The following SLC2A10 variants were observed in gnomAD, a reference collection of about 807,000 sequenced individuals.
SLC2A10 encodes solute carrier family 2, facilitated glucose transporter member 10.
In SLC2A10, 25 loss-of-function variants were observed where a neutral mutation model predicts 32.1. The observed-to-expected ratio is 0.78, with a 90% CI of 0.57 to 1.09. The LOEUF (loss-of-function observed/expected upper bound fraction) is 1.09. SLC2A10 is among the 50% of genes least tolerant of loss of function. SLC2A10 has a pLI of 0.00. For synonymous variants in SLC2A10, 332 were observed against 309.6 expected, an observed-to-expected ratio of 1.07 and a Z score of -0.76; for missense variants, 673 against 686.5, an observed-to-expected ratio of 0.98 and a Z score of 0.22.
intron 3 of SLC2A10, 38 bp from the exon 4 acceptor site, chr20:46,729,315 T>C (rs202115184): frequency 1.9e-6 from 3 of 1,612,350 alleles, no homozygotes; most frequent in Non-Finnish European, 2.5e-6. Flanking sequence ...GCCAGAGTGC[T>C]TGGTCCTGGG....
Position 46,727,129 on chromosome 20 carries a change from C to T in SLC2A10, c.1411+143C>T, listed in dbSNP as rs1259612389. The stretch of plus-strand genomic sequence containing the variant: ...ATCATCAAATGTCCAAGACGACATC[C>T]AGGACCCTCATATGCACTGTAAAAC... On this transcript the variant is annotated intron_variant, in intron 3 of 4. Coordinates refer to ENST00000359271, the MANE Select transcript of SLC2A10 (RefSeq NM_030777.4). 27 of 1,161,828 alleles carry T rather than the reference C, an allele frequency of 2.3e-5. No individual in the cohort carries two copies. In the South Asian group the frequency reaches 2.8e-4, roughly 12 times the overall value. 72.0% of individuals were successfully genotyped at this position (1,161,828 alleles called of 1,614,324 possible).
chr20:46,726,348 G>C (rs773339126), intron 2 of SLC2A10, 24 bp downstream of exon 2: 1 of 1,601,112 alleles, frequency 6.2e-7, no homozygotes, highest in Non-Finnish European at 8.5e-7. Flanking sequence ...TCTTGCAGGT[G>C]ACTCTGGAGA....
intron 3 of SLC2A10, among the ~76,000 whole-genome samples, chr20:46,728,991 A>AG (rs911497478): frequency 6.6e-6 from 1 of 151,512 alleles, no homozygotes; most frequent in Non-Finnish European, 1.5e-5. Context: ...GTGTCCATGC[A>AG]GCTGTTTGGC....
intron 3 of SLC2A10, among the ~76,000 whole-genome samples, chr20:46,728,205 G>A (rs1980082049): frequency 6.6e-6 from 1 of 152,152 alleles, no homozygotes; most frequent in Admixed American, 6.5e-5. Context: ...CAGCCAGGGA[G>A]TCAAAAGACT....
Position 46,725,027 on chromosome 20 carries a change from C to A in SLC2A10, c.5-14C>A. 1 of 1,614,216 alleles carries A rather than the reference C, an allele frequency of 6.2e-7. No homozygotes were observed. Among genetic ancestry groups the A allele is most frequent in the Non-Finnish European group, 8.5e-7 (1 of 1,180,038 alleles). Reference sequence around the variant, plus strand: ...AACCATTCTAACTCTGTCCCTCTCACTTTTGTTTTTTAGGCCACTCCCCAC... The same window carrying A: ...AACCATTCTAACTCTGTCCCTCTCAATTTTGTTTTTTAGGCCACTCCCCAC... On this transcript the variant is annotated splice_polypyrimidine_tract_variant and intron_variant, in intron 1 of 4. Coordinates refer to ENST00000359271, the MANE Select transcript of SLC2A10 (RefSeq NM_030777.4).
chr20:46,728,090 G>C (rs1159871728), intron 3 of SLC2A10, among the ~76,000 whole-genome samples: 1 of 152,120 alleles, frequency 6.6e-6, no homozygotes, highest in Admixed American at 6.5e-5. Context: ...AAACAAGGAA[G>C]GGAGGAAGGA....
At chr20:46,712,651 CTTTTTTT>C (rs11477202) in intron 1 of SLC2A10, among the ~76,000 whole-genome samples, 3 of 94,424 alleles carry the variant, frequency 3.2e-5, no homozygotes, top group East Asian at 3.8e-4. Context: ...TTCTTTCTTT[CTTTTTTT>C]TTTTTTTTTT....
intron 1 of SLC2A10, 46 bp from the exon 2 acceptor site, chr20:46,724,995 G>T: frequency 6.2e-7 from 1 of 1,613,412 alleles, no homozygotes; most frequent in South Asian, 1.1e-5. Flanking sequence ...TGGATGGTAT[G>T]ACAAGGAACC....
At chr20:46,715,934 C>T (rs751370474) in intron 1 of SLC2A10, among the ~76,000 whole-genome samples, 4 of 151,628 alleles carry the variant, frequency 2.6e-5, no homozygotes, top group South Asian at 4.2e-4. Flanking sequence ...TGGGCTCAAG[C>T]GATCCTCACA....
intron 3 of SLC2A10, among the ~76,000 whole-genome samples, chr20:46,727,605 CGT>C (rs748571674): frequency 2.6e-5 from 4 of 152,132 alleles, no homozygotes; most frequent in Non-Finnish European, 5.9e-5. Flanking sequence ...CATGAGCCAC[CGT>C]GTCTGGCCTG....
intron 4 of SLC2A10, among the ~76,000 whole-genome samples, chr20:46,729,750 T>G (rs1980193715): frequency 6.8e-6 from 1 of 148,088 alleles, no homozygotes; most frequent in South Asian, 2.2e-4. Context: ...CACGCCATTC[T>G]CCTGCCTCAG....
intron 1 of SLC2A10, among the ~76,000 whole-genome samples, chr20:46,721,200 A>C (rs1384201415): frequency 6.6e-6 from 1 of 152,212 alleles, no homozygotes; most frequent in African/African-American, 2.4e-5. Flanking sequence ...ACTCAGATTC[A>C]GTGTGAGAGG....
In SLC2A10 at chr20:46,712,408, G is replaced by T. The variant is rs140692561; in HGVS notation, c.4+2668G>T. Among the ~76,000 whole-genome samples the T allele has an allele frequency of 4.1e-3, 617 of 152,126 alleles. 6 individuals carry two copies. Among genetic ancestry groups the T allele is most frequent in the African/African-American group, 0.014 (570 of 41,484 alleles). ...GGAGATACTTGCATCCCAAACCAGG[G>T]TTCTCCCCCCTCCCCCTGCCCCCTG... is the stretch of plus-strand genomic sequence containing the variant. On this transcript the variant is annotated intron_variant, in intron 1 of 4. Transcript: ENST00000359271.
At chr20:46,721,887 G>T (rs1302724488) in intron 1 of SLC2A10, among the ~76,000 whole-genome samples, 1 of 152,188 alleles carries the variant, frequency 6.6e-6, no homozygotes, top group African/African-American at 2.4e-5. Context: ...CCATCAGTGG[G>T]GAAGGGGCTC....
chr20:46,726,894 C>T lies in SLC2A10; in HGVS notation c.1319C>T (p.Pro440Leu), dbSNP rs771851596. The T allele has an allele frequency of 1.9e-6, 3 of 1,614,176 alleles. No individual in the cohort carries two copies. Among genetic ancestry groups the T allele is most frequent in the South Asian group, 1.1e-5 (1 of 91,086 alleles). ...TGGCTTGTCCTCAGCGAGATCTACC[C>T]TGTGGAGATACGAGGAAGAGCCTTC... is the stretch of plus-strand genomic sequence containing the variant. ...VTWLVLSEIY[P>L]VEIRGRAFAF... Residue 440 changes from proline (P) to leucine (L), a missense_variant, in exon 3 of 5, where the codon CCT becomes CTT. Pro to Leu is a moderately conservative substitution (Grantham distance 98). Coordinates refer to ENST00000359271, the MANE Select transcript of SLC2A10 (RefSeq NM_030777.4).
rs1979088295 is a variant in SLC2A10, at chr20:46,714,142, G to A, written c.4+4402G>A. Reference sequence around the variant, plus strand: ...GGCTTCAGGTGCAGTTGGATCTAGGGGCTCATACAGTGTTGTCAGGAATCC... The same window carrying A: ...GGCTTCAGGTGCAGTTGGATCTAGGAGCTCATACAGTGTTGTCAGGAATCC... On this transcript the variant is annotated intron_variant, in intron 1 of 4. Transcript: ENST00000359271. 2.0e-5 allele frequency among the ~76,000 whole-genome samples: 3 copies of A among 152,126 alleles called. No individual in the cohort carries two copies. The South Asian group carries it at 6.2e-4, about 31-fold the overall frequency.
chr20:46,712,930 T>C (rs1979016298), intron 1 of SLC2A10, among the ~76,000 whole-genome samples: 2 of 152,112 alleles, frequency 1.3e-5, no homozygotes, highest in Admixed American at 1.3e-4. Flanking sequence ...ATTGGGATTA[T>C]AGGCATGAGC....
chr20:46,729,407 G>T lies in SLC2A10; in HGVS notation c.1466G>T (p.Gly489Val). ...CTCTACGGACTGACCGCTGTCCTCG[G>T]CCTGGGCTTCATCTATTTATTTGTT... ...FLLYGLTAVL[G>V]LGFIYLFVPE... Residue 489 changes from glycine to valine, a missense_variant, in exon 4 of 5, where the codon GGC becomes GTC. Transcript: ENST00000359271. The T allele has an allele frequency of 1.2e-6, 2 of 1,613,978 alleles. No individual in the cohort carries two copies. Among genetic ancestry groups the T allele is most frequent in the Non-Finnish European group, 1.7e-6 (2 of 1,180,014 alleles).
rs1218856681 is a variant in SLC2A10, at chr20:46,729,388, G to T, written c.1447G>T (p.Gly483Ter). The change falls in exon 4 of 5, where the codon GGA becomes TGA. Residue 483 changes from glycine to a stop codon, truncating the protein, a stop_gained. Coordinates refer to ENST00000359271, the MANE Select transcript of SLC2A10 (RefSeq NM_030777.4). LOFTEE classifies it high-confidence loss of function. ...CTTGTCCTGGACCTTCCTGCTCTAC[G>T]GACTGACCGCTGTCCTCGGCCTGGG... ...IGLSWTFLLY[G>*]LTAVLGLGFI... The T allele has an allele frequency of 6.2e-7, 1 of 1,613,706 alleles. No individual in the cohort carries two copies. The highest frequency in any genetic ancestry group is 8.5e-7 in the Non-Finnish European group (1 of 1,179,992).
Sources: allele counts gnomAD v4.1 joint callset (sites outside exome capture counted in the v4.1 genomes callset), GRCh38; gene constraint gnomAD v4.1.1; transcripts MANE v1.5; gene names NCBI Gene and HGNC (gene_info 2026-07-23, HGNC 2026-07-21).